The following FKBP6 variants were observed in gnomAD, a reference collection of about 807,000 sequenced individuals.
The protein encoded by FKBP6 is inactive peptidyl-prolyl cis-trans isomerase FKBP6.
FKBP6 carries 29 observed loss-of-function variants against 41.7 expected under a neutral mutation model. That is an observed-to-expected ratio of 0.70 (90% confidence interval 0.52 to 0.95). The LOEUF is 0.95. FKBP6 is among the 40% of genes least tolerant of loss of function. FKBP6 has a pLI of 0.00. For synonymous variants in FKBP6, 130 were observed against 165.1 expected (o/e 0.79, Z 1.63); for missense variants, 338 against 408.7 (o/e 0.83, Z 1.49).
At chr7:73,335,605 C>T (rs1394747708) in intron 5 of FKBP6, among the ~76,000 whole-genome samples, 1 of 152,158 alleles carries the variant, frequency 6.6e-6, no homozygotes, top group African/African-American at 2.4e-5. Flanking sequence ...CATCTGGACA[C>T]ATAGGGGCAG....
At chr7:73,338,354 G>A (rs1359770336) in intron 5 of FKBP6, among the ~76,000 whole-genome samples, 3 of 152,206 alleles carry the variant, frequency 2.0e-5, no homozygotes, top group Non-Finnish European at 4.4e-5. Context: ...CTACTTTTCC[G>A]TTGGATGGCT....
chr7:73,350,895 G>A (rs530031319), intron 8 of FKBP6, among the ~76,000 whole-genome samples: 2 of 152,166 alleles, frequency 1.3e-5, no homozygotes, highest in South Asian at 2.1e-4. Flanking sequence ...AGGAAACCCC[G>A]GGAGCAGATC....
In FKBP6 at chr7:73,331,745, G is replaced by A. The variant is rs202156840; in HGVS notation, c.557G>A (p.Arg186His). The A allele has an allele frequency of 1.4e-4, 227 of 1,613,564 alleles. No individual in the cohort carries two copies. Among genetic ancestry groups the A allele is most frequent in the Non-Finnish European group, 1.8e-4 (216 of 1,179,582 alleles). The change falls in exon 5 of 9, where the codon CGT (arginine) becomes CAT (histidine). Residue 186 changes from arginine to histidine, a missense_variant. Arg to His is a conservative substitution (Grantham distance 29, BLOSUM62 0). Around this residue, in one of 2 missense-constraint regions of FKBP6, gnomAD observed 239 missense variants for 250.1 expected, o/e 0.96. Coordinates refer to ENST00000252037, the MANE Select transcript of FKBP6 (RefSeq NM_003602.5). ...GGCAACTACCTTTTCCGCCAGAATC[G>A]TTTCTATGATGCCAAAGTGAGATAT... Reference protein sequence around the residue: ...EFGNYLFRQNRFYDAKVRYKR... With the variant: ...EFGNYLFRQNHFYDAKVRYKR...
At chr7:73,343,791 ACT>A (rs1322725658) in intron 8 of FKBP6, among the ~76,000 whole-genome samples, 1 of 152,028 alleles carries the variant, frequency 6.6e-6, no homozygotes, top group Non-Finnish European at 1.5e-5. Flanking sequence ...TGCACAGATA[ACT>A]CTGCTCTCTC....
At chr7:73,357,711 A>G (rs1189791772) in intron 8 of FKBP6, among the ~76,000 whole-genome samples, 6 of 151,904 alleles carry the variant, frequency 3.9e-5, no homozygotes, top group African/African-American at 1.5e-4. Context: ...GAGAAGGGAA[A>G]GGGTAGCTCA....
rs149096473 is a variant in FKBP6 at position 73,351,292 on chromosome 7, C to T, written c.*3-6889C>T. On this transcript the variant is annotated intron_variant, in intron 8 of 8. Transcript: ENST00000252037. ...TGATTCATCCGCCTCAGCCTCCCAA[C>T]GTGCTGGGATTACAGGCGTGAGCCA... Among the ~76,000 whole-genome samples, 477 of 152,152 alleles carry T rather than the reference C, an allele frequency of 3.1e-3. 2 individuals carry two copies. Among genetic ancestry groups the T allele is most frequent in the African/African-American group, 0.011 (454 of 41,514 alleles).
At chr7:73,335,800 T>C (rs1804989542) in intron 5 of FKBP6, among the ~76,000 whole-genome samples, 1 of 152,176 alleles carries the variant, frequency 6.6e-6, no homozygotes, top group Non-Finnish European at 1.5e-5. Context: ...TTTGGGTTTA[T>C]TGGTCCTTTT....
intron 8 of FKBP6, among the ~76,000 whole-genome samples, chr7:73,346,428 G>T (rs184730268): frequency 2.6e-4 from 39 of 152,368 alleles, no homozygotes; most frequent in African/African-American, 9.1e-4. Context: ...TCAAGAGTGG[G>T]CTGTGAGGGA....
rs781861860 is a variant in FKBP6, at chr7:73,340,695, G to A, written c.646G>A (p.Ala216Thr). The change falls in exon 6 of 9, where the codon GCC (alanine) becomes ACC (threonine). Residue 216 changes from alanine (A) to threonine (T), a missense_variant. By Grantham distance (58) the Ala-to-Thr change is moderately conservative. Coordinates refer to ENST00000252037, the MANE Select transcript of FKBP6 (RefSeq NM_003602.5). ...CCCTGAAGAGCAGCACCTGGTGGAG[G>A]CCGCCAAGCTTCCTGTTCTCCTGAA... The part of the protein sequence containing the change: ...APPEEQHLVE[A>T]AKLPVLLNLS... The A allele has an allele frequency of 2.5e-6, 4 of 1,613,932 alleles. No homozygotes were observed. In the East Asian group the frequency reaches 8.9e-5, roughly 36 times the overall value.
intron 5 of FKBP6, 45 bp downstream of exon 5, chr7:73,331,821 C>G (rs782441232): frequency 6.3e-7 from 1 of 1,585,036 alleles, no homozygotes; most frequent in African/African-American, 1.3e-5. Context: ...ATCCTGAAAA[C>G]TTCCTTGTTT....
intron 8 of FKBP6, among the ~76,000 whole-genome samples, chr7:73,353,750 T>C (rs77758048): frequency 4.6e-5 from 7 of 152,174 alleles, no homozygotes; most frequent in African/African-American, 1.7e-4. Context: ...TTTTTTTTTT[T>C]TGAGGCAAAG....
intron 8 of FKBP6, among the ~76,000 whole-genome samples, chr7:73,347,421 C>T (rs917247): frequency 0.16 from 23,979 of 152,156 alleles, 2,034 homozygotes; most frequent in Middle Eastern, 0.2. Flanking sequence ...GGAACCCGAA[C>T]TGAATTTCAG....
intron 5 of FKBP6, among the ~76,000 whole-genome samples, chr7:73,334,176 T>C (rs1249197864): frequency 2.0e-5 from 3 of 152,234 alleles, no homozygotes; most frequent in Non-Finnish European, 2.9e-5. Context: ...ACCTGTTTTT[T>C]CTTCTGTAGA....
At chr7:73,329,915 G>C (rs1380488769) in intron 3 of FKBP6, 2 of 596,044 alleles carry the variant, frequency 3.4e-6, no homozygotes, top group African/African-American at 3.7e-5. Flanking sequence ...CTAGCTGGGA[G>C]GTTCAGGGAA....
In FKBP6 at chr7:73,330,265, C is replaced by A. The variant is rs1323731643; in HGVS notation, c.381C>A (p.Ile127=). 1.9e-6 allele frequency: 3 copies of A among 1,613,864 alleles called. No individual in the cohort carries two copies. Among genetic ancestry groups the A allele is most frequent in the Non-Finnish European group, 2.5e-6 (3 of 1,179,866 alleles). The part of the protein sequence containing the change: ...AYGTLGCPPL[I]PPNTTVLFEI... ...GAACGCTGGGCTGCCCTCCCTTGATCCCCCCAAACACCACTGTCCTGTTTG... is the reference window on the plus strand; with the variant it reads ...GAACGCTGGGCTGCCCTCCCTTGATACCCCCAAACACCACTGTCCTGTTTG... Residue 127 remains isoleucine, a synonymous_variant, in exon 4 of 9, where the codon ATC becomes ATA. Transcript: ENST00000252037.
chr7:73,338,410 C>A (rs1042944417), intron 5 of FKBP6, among the ~76,000 whole-genome samples: 13 of 152,340 alleles, frequency 8.5e-5, no homozygotes. Context: ...GGGTTGTTTC[C>A]ACTTCGTGAT....
chr7:73,328,692 G>A lies in FKBP6; in HGVS notation c.175G>A (p.Val59Met). Residue 59 changes from valine (V) to methionine (M), a missense_variant and splice_region_variant, in exon 2 of 9, where the codon GTG (valine) becomes ATG (methionine). This residue lies in a region of FKBP6 where 99 missense variants were observed against 158.6 expected (regional missense o/e 0.62). Coordinates refer to ENST00000252037, the MANE Select transcript of FKBP6 (RefSeq NM_003602.5). The stretch of plus-strand genomic sequence containing the variant: ...AGTGGCGCCTGATGCTTCGGTGCTA[G>A]GTACGCCCTGGGGCGGTTTGTCCTC... ...DLVAPDASVL[V>M]KYSGYLEHMD... is the part of the protein sequence containing the mutation. 6.2e-7 allele frequency: 1 copy of A among 1,612,018 alleles called. No individual in the cohort carries two copies. The highest frequency in any genetic ancestry group is 1.3e-5 in the African/African-American group (1 of 74,982).
At chr7:73,343,962 T>TA (rs1309938121) in intron 8 of FKBP6, among the ~76,000 whole-genome samples, 1 of 152,206 alleles carries the variant, frequency 6.6e-6, no homozygotes, top group Non-Finnish European at 1.5e-5. Flanking sequence ...TAGCGGTCCA[T>TA]AAACTGCTGC....
chr7:73,352,665 T>C (rs1805524292), intron 8 of FKBP6, among the ~76,000 whole-genome samples: 2 of 152,080 alleles, frequency 1.3e-5, no homozygotes, highest in African/African-American at 4.8e-5. Context: ...TGAACTGGGG[T>C]GAGCCTCAGA....
Sources: gnomAD v4.1 joint callset for allele counts (sites outside exome capture counted in the v4.1 genomes callset) on GRCh38, gnomAD v4.1.1 for gene constraint, gnomAD v4.1.1 regional missense constraint, MANE v1.5 for transcripts, NCBI Gene and HGNC (gene_info 2026-07-23, HGNC 2026-07-21) for gene names.